Variants in CCN6 observed in about 807,000 individuals in gnomAD.
CCN6 encodes the protein CCN family member 6.
A neutral mutation model predicts 37.4 loss-of-function variants in CCN6; 31 were observed. The ratio of observed to expected loss-of-function variants is 0.83; its 90% CI spans 0.62 to 1.12. CCN6 has a LOEUF of 1.12. Ranked by LOEUF, CCN6 falls within the 50% of genes most tolerant of loss-of-function variation. CCN6 has a pLI of 0.00. For missense variants in CCN6, 369 were observed against 413.8 expected (o/e 0.89, Z 0.94); for synonymous variants, 137 against 142.1 (o/e 0.96, Z 0.26).
Position 112,064,751 on chromosome 6 carries a change from T to C in CCN6, c.347-4T>C, listed in dbSNP as rs782786764. 6.2e-7 allele frequency: 1 copy of C among 1,614,014 alleles called. No individual in the cohort carries two copies. The highest frequency in any genetic ancestry group is 1.1e-5 in the South Asian group (1 of 91,086). On this transcript the variant is annotated splice_region_variant and splice_polypyrimidine_tract_variant and intron_variant, in intron 2 of 4. Coordinates refer to ENST00000368666, the MANE Select transcript of CCN6 (RefSeq NM_198239.2). ...TTGGCAATTTTGCTCTTTTCTCTTT[T>C]CAGACCTTGTAGCTGTTGGGTGCGA... is the stretch of plus-strand genomic sequence containing the variant.
intron 1 of CCN6, among the ~76,000 whole-genome samples, chr6:112,057,738 G>A (rs939683269): frequency 4.6e-5 from 7 of 152,204 alleles, no homozygotes; most frequent in Non-Finnish European, 1.0e-4. Flanking sequence ...AGGCAAGGGT[G>A]TGGGTGAGAT....
intron 2 of CCN6, among the ~76,000 whole-genome samples, chr6:112,063,403 C>A (rs1554313224): frequency 6.6e-6 from 1 of 152,154 alleles, no homozygotes; most frequent in Non-Finnish European, 1.5e-5. Context: ...ATCCAAGACC[C>A]ATTTGGAATA....
At position 112,058,923 on chromosome 6, in the gene CCN6, T is replaced by C. The variant is rs587762532; in HGVS notation, c.49-2068T>C. ...CGCCATTCACTAAAATGGGAACTGC[T>C]AGTTGAGGAGCAGTTTGTCAGGGGG... On this transcript the variant is annotated intron_variant, in intron 1 of 4. Transcript: ENST00000368666. 5.9e-5 allele frequency among the ~76,000 whole-genome samples: 9 copies of C among 152,286 alleles called. No homozygotes were observed. In the East Asian group the frequency reaches 1.7e-3, roughly 29 times the overall value.
rs782625495 is a variant in CCN6 at position 112,065,008 on chromosome 6, G to A, written c.589+11G>A. 4 of 1,613,814 alleles carry A rather than the reference G, an allele frequency of 2.5e-6. No homozygotes were observed. The highest frequency in any genetic ancestry group is 2.2e-5 in the East Asian group (1 of 44,898). ...ACAAAACAATGCCAGGTGCTCAGAA[G>A]TAGAGCTATTTTTCACGTATGACCT... On this transcript the variant is annotated intron_variant, in intron 3 of 4. Coordinates refer to ENST00000368666, the MANE Select transcript of CCN6 (RefSeq NM_198239.2).
chr6:112,067,373 T>C (rs1247989736), intron 3 of CCN6, among the ~76,000 whole-genome samples: 5 of 152,144 alleles, frequency 3.3e-5, no homozygotes, highest in African/African-American at 1.2e-4. Flanking sequence ...CTGATTCATT[T>C]ATAAGAAGAA....
chr6:112,057,095 G>A (rs1355371176), intron 1 of CCN6, among the ~76,000 whole-genome samples: 1 of 152,218 alleles, frequency 6.6e-6, no homozygotes, highest in Non-Finnish European at 1.5e-5. Flanking sequence ...TCCGGGGGCA[G>A]TTTTGGGAGT....
chr6:112,065,612 A>ACACACACACACGCGCG (rs71021869), intron 3 of CCN6, among the ~76,000 whole-genome samples: 73 of 133,324 alleles, frequency 5.5e-4, no homozygotes, highest in South Asian at 1.1e-3. Flanking sequence ...ACACACACGC[A>ACACACACACACGCGCG]CACACACACG....
intron 3 of CCN6, among the ~76,000 whole-genome samples, chr6:112,066,358 C>G (rs1217265834): frequency 6.6e-6 from 1 of 151,958 alleles, no homozygotes; most frequent in African/African-American, 2.4e-5. Flanking sequence ...ACATAAACTT[C>G]CCTGGGAAGA....
chr6:112,065,563 A>AAC (rs587651054), intron 3 of CCN6, among the ~76,000 whole-genome samples: 3,169 of 102,120 alleles, frequency 0.031, 115 homozygotes, highest in African/African-American at 0.12. Flanking sequence ...TCTCTCTGTA[A>AAC]ACACACACAC....
At chr6:112,062,195 A>G (rs982848587) in intron 2 of CCN6, among the ~76,000 whole-genome samples, 6 of 152,246 alleles carry the variant, frequency 3.9e-5, no homozygotes, top group Non-Finnish European at 5.9e-5. Flanking sequence ...TCTCAGTTAC[A>G]TAATATGTAC....
intron 1 of CCN6, among the ~76,000 whole-genome samples, chr6:112,059,804 C>T (rs1554312410): frequency 1.3e-5 from 2 of 152,194 alleles, no homozygotes; most frequent in South Asian, 2.1e-4. Context: ...GTCATCAAGA[C>T]AGACATTAGG....
At position 112,069,445 on chromosome 6, in the gene CCN6, G is replaced by A. The variant is rs992092825; in HGVS notation, c.890G>A (p.Gly297Glu). Residue 297 changes from glycine to glutamate, a missense_variant, in exon 5 of 5, where the codon GGA (glycine) becomes GAA (glutamate). Physicochemically the swap from Gly to Glu is moderately conservative, Grantham distance 98. Coordinates refer to ENST00000368666, the MANE Select transcript of CCN6 (RefSeq NM_198239.2). ...CAGAGTTACAAACCCACTTTTTGTG[G>A]AATATGCTTGGATAAGAGATGCTGT... ...STQSYKPTFC[G>E]ICLDKRCCIP... 1 of 1,613,568 alleles carries A rather than the reference G, an allele frequency of 6.2e-7. No homozygotes were observed. Among genetic ancestry groups the A allele is most frequent in the Non-Finnish European group, 8.5e-7 (1 of 1,179,868 alleles).
chr6:112,062,069 T>A (rs782511583), intron 2 of CCN6, among the ~76,000 whole-genome samples: 2 of 152,086 alleles, frequency 1.3e-5, no homozygotes, highest in Non-Finnish European at 2.9e-5. Context: ...TCAAGCTTGA[T>A]AGCCTGATGC....
intron 3 of CCN6, among the ~76,000 whole-genome samples, chr6:112,066,067 CA>C (rs1776687321): frequency 4.6e-5 from 7 of 151,996 alleles, no homozygotes; most frequent in African/African-American, 1.7e-4. Context: ...TTAATAAAGG[CA>C]ACTATAAGCA....
chr6:112,057,780 A>G (rs1236743692), intron 1 of CCN6, among the ~76,000 whole-genome samples: 1 of 151,976 alleles, frequency 6.6e-6, no homozygotes, highest in African/African-American at 2.4e-5. Context: ...GAGGCAAGCA[A>G]TACATTAAAG....
chr6:112,054,576 C>A, intron 1 of CCN6, 171 bp downstream of exon 1: 1 of 657,272 alleles, frequency 1.5e-6, no homozygotes. Flanking sequence ...GTTCTGTGTT[C>A]GTTCATGAGC....
Position 112,060,939 on chromosome 6 carries a change from T to C in CCN6, c.49-52T>C, listed in dbSNP as rs950355472. Reference sequence around the variant, plus strand: ...TGGGGGAAATCTTCTATTCCTGTTATACTATTACATAGAGAAGCTATTTCT... The same window carrying C: ...TGGGGGAAATCTTCTATTCCTGTTACACTATTACATAGAGAAGCTATTTCT... On this transcript the variant is annotated intron_variant, in intron 1 of 4. Transcript: ENST00000368666. The C allele has an allele frequency of 1.2e-5, 19 of 1,605,744 alleles. No individual in the cohort carries two copies. The Admixed American group carries it at 2.8e-4, about 24-fold the overall frequency.
At chr6:112,066,958 A>G (rs782770124) in intron 3 of CCN6, 1 of 1,365,638 alleles carries the variant, frequency 7.3e-7, no homozygotes, top group South Asian at 1.1e-5. Context: ...ACCTGCCTTT[A>G]TTTATTGCAG....
intron 4 of CCN6, among the ~76,000 whole-genome samples, chr6:112,068,773 G>C (rs1554314585): frequency 6.6e-6 from 1 of 152,078 alleles, no homozygotes; most frequent in African/African-American, 2.4e-5. Context: ...TAGTAAACTT[G>C]CTAAAACACT....
Sources: allele counts gnomAD v4.1 joint callset (sites outside exome capture counted in the v4.1 genomes callset), GRCh38; gene constraint gnomAD v4.1.1; transcripts MANE v1.5; gene names NCBI Gene and HGNC (gene_info 2026-07-23, HGNC 2026-07-21).